The following PRKDC variants were observed in gnomAD, a reference collection of about 807,000 sequenced individuals.
The protein encoded by PRKDC is DNA-dependent protein kinase catalytic subunit.
PRKDC carries 82 observed loss-of-function variants against 486.9 expected under a neutral mutation model. That is an observed-to-expected ratio of 0.17 (90% confidence interval 0.14 to 0.20). The LOEUF (loss-of-function observed/expected upper bound fraction) is 0.20, where lower values mean the gene tolerates loss of function less well. PRKDC is among the 10% of genes least tolerant of loss of function. The pLI, the probability that PRKDC is intolerant of heterozygous loss-of-function variation, is 1.00. For missense variants in PRKDC, 4,504 were observed against 5,038.2 expected, an observed-to-expected ratio of 0.89 and a Z score of 3.21; for synonymous variants, 1,895 against 1,837.0, an observed-to-expected ratio of 1.03 and a Z score of -0.81.
chr8:47,859,517 G>T (rs1281466856), intron 46 of PRKDC, 94 bp downstream of exon 46: 2 of 1,407,548 alleles, frequency 1.4e-6, no homozygotes, highest in Non-Finnish European at 1.9e-6. Context: ...AATGGACAGA[G>T]AACTGGCTTC....
At chr8:47,860,401 G>C (rs1589748923) in intron 45 of PRKDC, among the ~76,000 whole-genome samples, 1 of 152,326 alleles carries the variant, frequency 6.6e-6, no homozygotes, top group African/African-American at 2.4e-5. Context: ...CAAGGCACAG[G>C]CAAGAGCCAT....
intron 30 of PRKDC, among the ~76,000 whole-genome samples, chr8:47,895,450 C>A (rs1300552898): frequency 1.3e-5 from 2 of 152,170 alleles, no homozygotes; most frequent in Admixed American, 1.3e-4. Flanking sequence ...GTATCACAGG[C>A]AACTGAGAAG....
chr8:47,917,410 G>A (rs1563802486), intron 22 of PRKDC, among the ~76,000 whole-genome samples: 1 of 152,150 alleles, frequency 6.6e-6, no homozygotes, highest in South Asian at 2.1e-4. Flanking sequence ...CCAAAATAAT[G>A]AGGTGAGAAG....
At chr8:47,835,588 C>A (rs1007296952) in intron 58 of PRKDC, among the ~76,000 whole-genome samples, 1 of 130,692 alleles carries the variant, frequency 7.7e-6, no homozygotes, top group Non-Finnish European at 1.5e-5. Context: ...CTCACTCCAG[C>A]TCCAGCCTGG....
At chr8:47,890,885 A>G (rs2089442316) in intron 31 of PRKDC, among the ~76,000 whole-genome samples, 1 of 152,238 alleles carries the variant, frequency 6.6e-6, no homozygotes, top group Non-Finnish European at 1.5e-5. Flanking sequence ...GGTTGTAAGA[A>G]TCTTCTTTTT....
intron 21 of PRKDC, among the ~76,000 whole-genome samples, chr8:47,926,524 G>C (rs1199397595): frequency 6.6e-6 from 1 of 152,112 alleles, no homozygotes; most frequent in East Asian, 1.9e-4. Flanking sequence ...TGTGAAGATA[G>C]TAAAGCTTAA....
At position 47,959,903 on chromosome 8, in the gene PRKDC, G is replaced by A. The variant is rs2090783353; in HGVS notation, c.154+70C>T. On this transcript the variant is annotated intron_variant, in intron 1 of 85. Coordinates refer to ENST00000314191, the MANE Select transcript of PRKDC (RefSeq NM_006904.7). ...CGTCATCTAAACACAGAGAAGCGCC[G>A]GGCTGCCCGGCTCCAGAACGACTCG... The A allele has an allele frequency of 2.6e-6, 4 of 1,510,576 alleles. No individual in the cohort carries two copies. In the East Asian group the frequency reaches 1.0e-4, roughly 38 times the overall value. The allele number at this position is 1,510,576 out of a possible 1,614,324, so 93.6% of individuals were successfully genotyped here. A position where few individuals can be genotyped will look rare whatever the true frequency, so the allele number is the denominator to read the frequency against.
At chr8:47,824,114 G>T in intron 63 of PRKDC, 118 bp from the exon 64 acceptor site, 1 of 1,058,416 alleles carries the variant, frequency 9.4e-7, no homozygotes, top group Non-Finnish European at 1.2e-6. Flanking sequence ...GAGACATAAA[G>T]TGTTACTTTA....
intron 29 of PRKDC, among the ~76,000 whole-genome samples, 198 bp from the exon 30 acceptor site, chr8:47,897,492 T>G (rs1385018163): frequency 1.3e-5 from 2 of 152,246 alleles, no homozygotes; most frequent in Non-Finnish European, 2.9e-5. Context: ...TAAATGCTGC[T>G]CATGTTCATT....
At chr8:47,922,630 G>A (rs1313316616) in intron 21 of PRKDC, among the ~76,000 whole-genome samples, 1 of 152,106 alleles carries the variant, frequency 6.6e-6, no homozygotes, top group Non-Finnish European at 1.5e-5. Flanking sequence ...TTTTAAGTAA[G>A]GAGGGTAGTT....
chr8:47,862,262 C>T (rs147410531), intron 43 of PRKDC, 111 bp downstream of exon 43: 457 of 1,370,298 alleles, frequency 3.3e-4, no homozygotes, highest in East Asian at 5.9e-4. Flanking sequence ...CAGAATTAAA[C>T]GAACCACATC....
In PRKDC at chr8:47,936,484, A is replaced by G. The variant is rs1407838401; in HGVS notation, c.1147T>C (p.Phe383Leu). The G allele has an allele frequency of 6.2e-7, 1 of 1,614,034 alleles. No individual in the cohort carries two copies. The highest frequency in any genetic ancestry group is 1.1e-5 in the South Asian group (1 of 91,084). ...CGCTGAATGAGCTCAACGTACATGA[A>G]GTCAACATCTTTTGCGTTTATAACC... ...CKVINAKDVD[F>L]MYVELIQRCK... is the part of the protein sequence containing the mutation. The change falls in exon 12 of 86, where the codon TTC (phenylalanine) becomes CTC (leucine). Residue 383 changes from phenylalanine (F) to leucine (L), a missense_variant. Coordinates refer to ENST00000314191, the MANE Select transcript of PRKDC (RefSeq NM_006904.7).
chr8:47,879,473 A>G lies in PRKDC; in HGVS notation c.5235+18T>C, dbSNP rs1477403006. 1.3e-6 allele frequency: 2 copies of G among 1,526,382 alleles called. No individual in the cohort carries two copies. 94.6% of individuals were successfully genotyped at this position (1,526,382 alleles called of 1,614,324 possible). A position where few individuals can be genotyped will look rare whatever the true frequency, so the allele number is the denominator to read the frequency against. ...AAAAACAGTGTTTTAATTTTACTTG[A>G]TACTACTAGAAACTAACCTTTTTCA... On this transcript the variant is annotated intron_variant, in intron 39 of 85. Transcript: ENST00000314191.
intron 68 of PRKDC, among the ~76,000 whole-genome samples, chr8:47,815,705 G>T (rs2087428356): frequency 6.6e-6 from 1 of 152,194 alleles, no homozygotes; most frequent in South Asian, 2.1e-4. Flanking sequence ...TAATATAAAT[G>T]AATGGTAGAG....
intron 30 of PRKDC, among the ~76,000 whole-genome samples, chr8:47,894,023 G>A (rs914099831): frequency 2.0e-5 from 3 of 152,164 alleles, no homozygotes; most frequent in Non-Finnish European, 4.4e-5. Context: ...GCTCAGGTCT[G>A]TAATCCCAGC....
chr8:47,936,456 C>A lies in PRKDC; in HGVS notation c.1175G>T (p.Cys392Phe). 6.2e-7 allele frequency: 1 copy of A among 1,614,000 alleles called. No individual in the cohort carries two copies. Among genetic ancestry groups the A allele is most frequent in the South Asian group, 1.1e-5 (1 of 91,090 alleles). ...TGTCTGGGTGAGGAACATCTGCTTG[C>A]AGCGCTGAATGAGCTCAACGTACAT... ...DFMYVELIQR[C>F]KQMFLTQTDT... The change falls in exon 12 of 86, where the codon TGC becomes TTC. Residue 392 changes from cysteine to phenylalanine, a missense_variant. Transcript: ENST00000314191.
chr8:47,868,795 A>G (rs2088876621), intron 40 of PRKDC, among the ~76,000 whole-genome samples: 1 of 152,210 alleles, frequency 6.6e-6, no homozygotes. Context: ...ATAGTCTTCA[A>G]TCAGCTACAC....
rs1356241356 is a variant in PRKDC at position 47,839,215 on chromosome 8, G to A, written c.7486C>T (p.Gln2496Ter). ...TCTTTTGCCAACTTAAATATTTCCT[G>A]GGAGTCATTATCTGTCTCACTTTCT... ...DPESETDNDS[Q>*]EIFKLAKDVL... is the part of the protein sequence containing the mutation. Residue 2496 changes from glutamine (Q) to a stop codon, truncating the protein, a stop_gained, in exon 56 of 86, where the codon CAG becomes TAG. Transcript: ENST00000314191. LOFTEE classifies it high-confidence loss of function. 1.2e-6 allele frequency: 2 copies of A among 1,613,662 alleles called. No individual in the cohort carries two copies. The highest frequency in any genetic ancestry group is 1.7e-6 in the Non-Finnish European group (2 of 1,179,720).
At chr8:47,837,483 A>G (rs1192654403) in intron 56 of PRKDC, 64 bp from the exon 57 acceptor site, 5 of 1,331,716 alleles carry the variant, frequency 3.8e-6, no homozygotes, top group Middle Eastern at 2.4e-4. Context: ...AATGTGCTGT[A>G]CAGGGTGTCC....
Sources: allele counts gnomAD v4.1 joint callset (sites outside exome capture counted in the v4.1 genomes callset), GRCh38; gene constraint gnomAD v4.1.1; transcripts MANE v1.5; gene names NCBI Gene and HGNC (gene_info 2026-07-23, HGNC 2026-07-21).